PIR: variants seen among roughly 807,000 people sequenced by gnomAD.
PIR encodes the protein pirin (iron-binding nuclear protein).
PIR carries 22 observed loss-of-function variants against 24.2 expected under a neutral mutation model. That is an observed-to-expected ratio of 0.91 (90% CI 0.65 to 1.30). The LOEUF (loss-of-function observed/expected upper bound fraction) is 1.30, where lower values mean the gene tolerates loss of function less well. PIR is among the 50% of genes most tolerant of loss of function. The pLI is 0.00. For synonymous variants in PIR, 80 were observed against 79.6 expected, an observed-to-expected ratio of 1.00 and a Z score of -0.03; for missense variants, 220 against 220.3, an observed-to-expected ratio of 1.00 and a Z score of 0.01.
Position 15,491,304 on chromosome X carries a change from G to A in PIR, c.-47C>T. ...GTTCTGATGCTGAGCTGTAGAGGAT[G>A]GAGGGCTAAAGGAAGGACAACAAAA... On this transcript the variant is annotated 5_prime_UTR_variant, in exon 2 of 10. Coordinates refer to ENST00000380420, the MANE Select transcript of PIR (RefSeq NM_001018109.3). 9.1e-6 allele frequency: 8 copies of A among 877,958 alleles called. No individual in the cohort carries two copies. The highest frequency in any genetic ancestry group is 1.3e-5 in the Non-Finnish European group (8 of 611,534). The allele number at this position is 877,958 out of a possible 1,213,427, so 72.4% of individuals were successfully genotyped here. A position where few individuals can be genotyped will look rare whatever the true frequency, so the allele number is the denominator to read the frequency against.
chrX:15,450,384 CT>C (rs141433989), intron 5 of PIR, among the ~76,000 whole-genome samples: 29,351 of 108,529 alleles, frequency 0.27, 3,083 homozygotes, highest in East Asian at 0.51. Context: ...TGTTATTTTT[CT>C]TTTTTTTTAG....
At chrX:15,456,574 T>G (rs1366073899) in intron 4 of PIR, among the ~76,000 whole-genome samples, 1 of 112,350 alleles carries the variant, frequency 8.9e-6, no homozygotes, top group Non-Finnish European at 1.9e-5. Context: ...CCATTGACTG[T>G]GGGCCATCCC....
chrX:15,426,394 T>A (rs776361000), intron 5 of PIR, among the ~76,000 whole-genome samples: 6 of 112,261 alleles, frequency 5.3e-5, no homozygotes, highest in East Asian at 2.8e-4. Flanking sequence ...TTTTGGAATT[T>A]AAAAATGCGG....
At position 15,431,944 on chromosome X, in the gene PIR, T is replaced by C. The variant is rs767272338; in HGVS notation, c.481-5954A>G. On this transcript the variant is annotated intron_variant, in intron 5 of 9. Coordinates refer to ENST00000380420, the MANE Select transcript of PIR (RefSeq NM_001018109.3). ...ATGTTGATCATCTTATTTTTTTTCA[T>C]TGTAGTTCATTTAAAAAGCAGAAAT... Among the ~76,000 whole-genome samples the C allele has an allele frequency of 4.5e-5, 5 of 111,045 alleles. No individual in the cohort carries two copies. The East Asian group carries it at 1.1e-3, about 25-fold the overall frequency.
At chrX:15,450,405 T>C (rs769549909) in intron 5 of PIR, among the ~76,000 whole-genome samples, 1 of 111,359 alleles carries the variant, frequency 9.0e-6, no homozygotes, top group Non-Finnish European at 1.9e-5. Flanking sequence ...GCTAGATCCA[T>C]GAACTTGCTG....
chrX:15,465,716 T>C (rs1300937472), intron 3 of PIR, among the ~76,000 whole-genome samples: 1 of 112,041 alleles, frequency 8.9e-6, no homozygotes, highest in Non-Finnish European at 1.9e-5. Context: ...TGTTTGTGTT[T>C]GGGGGCAGAA....
intron 2 of PIR, among the ~76,000 whole-genome samples, chrX:15,486,188 T>C (rs1178089105): frequency 1.9e-5 from 2 of 105,450 alleles, no homozygotes; most frequent in Admixed American, 2.1e-4. Context: ...ACCCTGTCTC[T>C]ACTAAAAATA....
intron 5 of PIR, among the ~76,000 whole-genome samples, chrX:15,426,970 T>C (rs1484139499): frequency 9.0e-6 from 1 of 111,672 alleles, no homozygotes; most frequent in Non-Finnish European, 1.9e-5. Flanking sequence ...CTGGAAATCA[T>C]CCAAATGTCT....
chrX:15,471,856 T>C (rs1921940558), intron 3 of PIR, among the ~76,000 whole-genome samples: 1 of 112,249 alleles, frequency 8.9e-6, no homozygotes, highest in Non-Finnish European at 1.9e-5. Flanking sequence ...GTGCACTCAC[T>C]ATTTTAATAT....
At chrX:15,483,837 C>A (rs983766671) in intron 2 of PIR, among the ~76,000 whole-genome samples, 1 of 112,459 alleles carries the variant, frequency 8.9e-6, no homozygotes, top group African/African-American at 3.2e-5. Context: ...TTATACTGCA[C>A]CAGTCCTATA....
At chrX:15,439,970 T>C (rs1193790842) in intron 5 of PIR, among the ~76,000 whole-genome samples, 1 of 111,641 alleles carries the variant, frequency 9.0e-6, no homozygotes, top group Non-Finnish European at 1.9e-5. Context: ...TAAAAGCTGG[T>C]GTTAGACACA....
intron 7 of PIR, among the ~76,000 whole-genome samples, chrX:15,399,321 A>T (rs905541430): frequency 1.8e-5 from 2 of 112,694 alleles, no homozygotes; most frequent in Non-Finnish European, 3.7e-5. Flanking sequence ...AATTTTGGAC[A>T]TATTTGTTGG....
chrX:15,431,671 ACC>A lies in PIR; in HGVS notation c.481-5683_481-5682del, dbSNP rs144106667. On this transcript the variant is annotated intron_variant, in intron 5 of 9. Coordinates refer to ENST00000380420, the MANE Select transcript of PIR (RefSeq NM_001018109.3). ...AAAAGGTAAAAGTTAAAAAATAACC[ACC>A]CCCCCCCCGAAAACCTTTGGAAAAT... Among the ~76,000 whole-genome samples the A allele has an allele frequency of 3.9e-5, 3 of 77,308 alleles. No homozygotes were observed. In the East Asian group the frequency reaches 1.4e-3, roughly 35 times the overall value. 67.1% of individuals were successfully genotyped at this position (77,308 alleles called of 115,157 possible). A position where few individuals can be genotyped will look rare whatever the true frequency, so the allele number is the denominator to read the frequency against.
chrX:15,400,223 G>A (rs73449320), intron 7 of PIR, among the ~76,000 whole-genome samples: 11,262 of 111,607 alleles, frequency 0.1, 1,381 homozygotes, highest in African/African-American at 0.34. Context: ...TTTGGCAATA[G>A]AAGAGAGGTC....
At position 15,458,644 on chromosome X, in the gene PIR, GATA is replaced by G. The variant is rs201368178; in HGVS notation, c.273+1010_273+1012del. Among the ~76,000 whole-genome samples the G allele has an allele frequency of 1.1e-3, 123 of 111,997 alleles. No homozygotes were observed. In the East Asian group the frequency reaches 0.022, roughly 20 times the overall value. ...AGAGAGTGAGGCCCTGTCTCAAAAA[GATA>G]ATAATAATACTACTTATCGCAAAGA... On this transcript the variant is annotated intron_variant, in intron 4 of 9. Transcript: ENST00000380420.
chrX:15,451,270 A>G (rs1277829468), intron 5 of PIR, among the ~76,000 whole-genome samples: 1 of 110,938 alleles, frequency 9.0e-6, no homozygotes, highest in East Asian at 2.8e-4. Flanking sequence ...GCTAAAGCAG[A>G]TAAGAAGACA....
chrX:15,450,006 G>T (rs1466664407), intron 5 of PIR, among the ~76,000 whole-genome samples: 1 of 111,545 alleles, frequency 9.0e-6, no homozygotes. Context: ...ATTTGTTTTT[G>T]ATTTTAAGAC....
chrX:15,426,434 T>C (rs898718552), intron 5 of PIR, among the ~76,000 whole-genome samples: 2 of 112,096 alleles, frequency 1.8e-5, no homozygotes, highest in Non-Finnish European at 3.8e-5. Flanking sequence ...TTTTCTTACT[T>C]GGCCCTCTGG....
At chrX:15,399,589 A>G (rs1924311270) in intron 7 of PIR, among the ~76,000 whole-genome samples, 1 of 112,346 alleles carries the variant, frequency 8.9e-6, no homozygotes, top group African/African-American at 3.2e-5. Context: ...TTCTCCTTCA[A>G]TCATGAATGT....
Sources: allele counts gnomAD v4.1 joint callset (sites outside exome capture counted in the v4.1 genomes callset), GRCh38; gene constraint gnomAD v4.1.1; transcripts MANE v1.5; gene names NCBI Gene and HGNC (gene_info 2026-07-23, HGNC 2026-07-21).